The following OPHN1 variants were observed in gnomAD, a reference collection of about 807,000 sequenced individuals.
OPHN1 encodes oligophrenin-1.
A neutral mutation model predicts 60.7 loss-of-function variants in OPHN1; 11 were observed. The observed-to-expected ratio is 0.18, with a 90% CI of 0.11 to 0.30. OPHN1 has a LOEUF of 0.30. Among genes scored for constraint, OPHN1 ranks in the 10% least tolerant of loss-of-function variants. The pLI, the probability that OPHN1 is intolerant of heterozygous loss-of-function variation, is 1.00. For synonymous variants in OPHN1, 226 were observed against 222.6 expected (o/e 1.02, Z -0.14); for missense variants, 449 against 611.0 (o/e 0.73, Z 2.80).
At chrX:68,269,555 A>G (rs1410086456) in intron 5 of OPHN1, among the ~76,000 whole-genome samples, 3 of 111,823 alleles carry the variant, frequency 2.7e-5, no homozygotes, top group African/African-American at 9.8e-5. Flanking sequence ...CTGAAACTGG[A>G]TCCCTTCCTT....
intron 5 of OPHN1, among the ~76,000 whole-genome samples, chrX:68,246,207 G>A (rs767513435): frequency 5.4e-5 from 6 of 111,985 alleles, no homozygotes; most frequent in East Asian, 2.8e-4. Flanking sequence ...CCATACCTCC[G>A]TTTTAAAATA....
chrX:68,212,761 C>T (rs1313784081), intron 7 of OPHN1, among the ~76,000 whole-genome samples: 1 of 112,075 alleles, frequency 8.9e-6, no homozygotes, highest in Non-Finnish European at 1.9e-5. Context: ...TTTATTAACC[C>T]TGAGCTTGTT....
In OPHN1 at chrX:68,240,232, G is replaced by A. The variant is rs187717148; in HGVS notation, c.385-5644C>T. Among the ~76,000 whole-genome samples, 4 of 112,221 alleles carry A rather than the reference G, an allele frequency of 3.6e-5. No individual in the cohort carries two copies. In the East Asian group the frequency reaches 1.1e-3, roughly 31 times the overall value. On this transcript the variant is annotated intron_variant, in intron 5 of 24. Coordinates refer to ENST00000355520, the MANE Select transcript of OPHN1 (RefSeq NM_002547.3). Reference sequence around the variant, plus strand: ...AACATATTTAAAGTTTCTCCATTTAGTATAATGTTTGCTATAGGTTATCAT... The same window carrying A: ...AACATATTTAAAGTTTCTCCATTTAATATAATGTTTGCTATAGGTTATCAT...
intron 2 of OPHN1, among the ~76,000 whole-genome samples, chrX:68,357,193 C>T (rs1408249841): frequency 1.8e-5 from 2 of 111,899 alleles, no homozygotes; most frequent in Non-Finnish European, 3.8e-5. Context: ...TCTAGGTTTT[C>T]CGCAGCATTT....
chrX:68,149,531 A>C (rs1018719206), intron 15 of OPHN1, among the ~76,000 whole-genome samples: 1 of 111,545 alleles, frequency 9.0e-6, no homozygotes, highest in Non-Finnish European at 1.9e-5. Flanking sequence ...CAAATGGCCA[A>C]AAGCACATGA....
intron 2 of OPHN1, among the ~76,000 whole-genome samples, chrX:68,389,742 G>A: frequency 9.2e-6 from 1 of 108,494 alleles, no homozygotes; most frequent in African/African-American, 3.3e-5. Flanking sequence ...TAAGAGTGTT[G>A]AATCTGGACC....
intron 15 of OPHN1, among the ~76,000 whole-genome samples, chrX:68,126,363 G>A (rs2077171795): frequency 1.8e-5 from 2 of 110,921 alleles, no homozygotes; most frequent in African/African-American, 6.6e-5. Flanking sequence ...TAGCATATTG[G>A]TCTACATTTA....
intron 2 of OPHN1, among the ~76,000 whole-genome samples, chrX:68,309,656 T>C (rs1393946478): frequency 8.9e-6 from 1 of 112,468 alleles, no homozygotes; most frequent in African/African-American, 3.2e-5. Flanking sequence ...CAAATAGCTA[T>C]GAAAAATGTG....
chrX:68,321,083 A>G (rs990039183), intron 2 of OPHN1, among the ~76,000 whole-genome samples: 26 of 111,248 alleles, frequency 2.3e-4, no homozygotes, highest in African/African-American at 8.2e-4. Context: ...TTCATTGTGT[A>G]GCCATGATTG....
chrX:68,243,289 T>A (rs2077790270), intron 5 of OPHN1, among the ~76,000 whole-genome samples: 2 of 111,494 alleles, frequency 1.8e-5, no homozygotes, highest in African/African-American at 3.3e-5. Flanking sequence ...GTTTTGGAAA[T>A]ATTTGATGGT....
intron 15 of OPHN1, among the ~76,000 whole-genome samples, chrX:68,138,922 A>G (rs2077231551): frequency 8.9e-6 from 1 of 112,090 alleles, no homozygotes. Flanking sequence ...ATGAAAAATA[A>G]CCAGGAACTT....
rs1376577648 is a variant in OPHN1 at position 68,047,076 on chromosome X, C to G, written c.*96G>C. The G allele has an allele frequency of 8.9e-6, 1 of 111,978 alleles. No individual in the cohort carries two copies. Among genetic ancestry groups the G allele is most frequent in the Non-Finnish European group, 1.9e-5 (1 of 53,210 alleles). The allele number at this position is 111,978 out of a possible 1,213,427, so 9.2% of individuals were successfully genotyped here. ...AGGCTAGGAAGGAGCTGCTCTTCAA[C>G]ACAAAATGACTCCGCACACAAAGGT... is the stretch of plus-strand genomic sequence containing the variant. On this transcript the variant is annotated 3_prime_UTR_variant, in exon 25 of 25. Transcript: ENST00000355520.
chrX:68,395,088 T>C (rs2078676445), intron 2 of OPHN1, among the ~76,000 whole-genome samples: 1 of 110,274 alleles, frequency 9.1e-6, no homozygotes, highest in Non-Finnish European at 1.9e-5. Context: ...CCTGAGTAGC[T>C]GGGATTACAG....
chrX:68,358,727 A>G (rs1047896002), intron 2 of OPHN1, among the ~76,000 whole-genome samples: 1 of 112,087 alleles, frequency 8.9e-6, no homozygotes, highest in Admixed American at 9.5e-5. Flanking sequence ...CTTATTTATG[A>G]CTTCATACCA....
At chrX:68,207,062 T>A (rs987724208) in intron 9 of OPHN1, among the ~76,000 whole-genome samples, 1 of 111,440 alleles carries the variant, frequency 9.0e-6, no homozygotes, top group African/African-American at 3.3e-5. Context: ...CTCTTTTAAC[T>A]GTCTCCTCCT....
chrX:68,299,929 G>A (rs937564780), intron 2 of OPHN1, among the ~76,000 whole-genome samples: 1 of 109,702 alleles, frequency 9.1e-6, no homozygotes, highest in Non-Finnish European at 1.9e-5. Flanking sequence ...TCTAAGGCCA[G>A]CAGCATCATC....
intron 8 of OPHN1, among the ~76,000 whole-genome samples, chrX:68,211,171 C>G (rs1165996859): frequency 3.9e-5 from 4 of 101,603 alleles, no homozygotes; most frequent in Non-Finnish European, 8.0e-5. Flanking sequence ...AAAATAATAA[C>G]AACAACTGTA....
chrX:68,305,627 A>G (rs2147636964), intron 2 of OPHN1, among the ~76,000 whole-genome samples: 1 of 112,431 alleles, frequency 8.9e-6, no homozygotes, highest in Admixed American at 9.5e-5. Flanking sequence ...AGCATATCCC[A>G]ATTCACACAA....
intron 7 of OPHN1, among the ~76,000 whole-genome samples, chrX:68,213,387 T>C (rs2077593627): frequency 9.0e-6 from 1 of 110,565 alleles, no homozygotes; most frequent in Non-Finnish European, 1.9e-5. Context: ...TGGAAAAATC[T>C]ACACAAAACG....
Sources: gnomAD v4.1 joint callset for allele counts (sites outside exome capture counted in the v4.1 genomes callset) on GRCh38, gnomAD v4.1.1 for gene constraint, MANE v1.5 for transcripts, NCBI Gene and HGNC (gene_info 2026-07-23, HGNC 2026-07-21) for gene names.